The following ACYP2 variants were observed in gnomAD, a reference collection of about 807,000 sequenced individuals.
ACYP2 encodes acylphosphatase 2, also known as acylphosphatase-2.
Under a neutral mutation model 11.2 loss-of-function variants are expected in ACYP2, and 12 were observed. That is an observed-to-expected ratio of 1.08 (90% CI 0.69 to 1.74). The LOEUF is 1.74. Among genes scored for constraint, ACYP2 ranks in the 40% most tolerant of loss-of-function variants. The pLI is 0.00. For missense variants in ACYP2, 134 were observed against 101.9 expected (o/e 1.31, Z -1.35); for synonymous variants, 43 against 32.2 (o/e 1.33, Z -1.13).
At chr2:54,044,825 G>T (rs935367234) in intron 2 of ACYP2, among the ~76,000 whole-genome samples, 1 of 152,138 alleles carries the variant, frequency 6.6e-6, no homozygotes, top group Non-Finnish European at 1.5e-5. Flanking sequence ...GTGGCTGAAG[G>T]TTTGTTGTTG....
chr2:54,034,147 C>T (rs566985223), intron 2 of ACYP2, among the ~76,000 whole-genome samples: 1 of 152,278 alleles, frequency 6.6e-6, no homozygotes, highest in South Asian at 2.1e-4. Flanking sequence ...CACTTGAGGT[C>T]AGGAGTTTGA....
rs1300773936 is a variant in ACYP2, at chr2:54,006,874, C to T, written c.62+33064C>T. ...GTGTGGTGGCTCACACCTGTAATCC[C>T]ATCACTTTGGGAGACCGAGGCGGAT... On this transcript the variant is annotated intron_variant, in intron 2 of 6. Coordinates refer to ENST00000607452, the MANE Select transcript of ACYP2 (RefSeq NM_001320586.2). Among the ~76,000 whole-genome samples the T allele has an allele frequency of 2.0e-5, 3 of 152,118 alleles. No homozygotes were observed. In the East Asian group the frequency reaches 5.9e-4, roughly 30 times the overall value.
chr2:54,266,540 A>G (rs555492487), intron 6 of ACYP2, among the ~76,000 whole-genome samples: 63 of 148,270 alleles, frequency 4.2e-4, no homozygotes, highest in Non-Finnish European at 6.4e-4. Context: ...ATAGATATAG[A>G]TATAGCTAGA....
At chr2:54,277,632 C>G (rs928946277) in intron 6 of ACYP2, among the ~76,000 whole-genome samples, 9 of 151,922 alleles carry the variant, frequency 5.9e-5, no homozygotes, top group African/African-American at 1.7e-4. Context: ...GAGCCACAGT[C>G]GTGCTACTGC....
At chr2:54,084,912 T>C (rs1046696924) in intron 4 of ACYP2, 1 of 152,188 alleles carries the variant, frequency 6.6e-6, no homozygotes, top group Non-Finnish European at 1.5e-5. Flanking sequence ...ATGATAATAT[T>C]GAAATTAGGT....
chr2:54,271,011 A>G (rs1688272669), intron 6 of ACYP2, among the ~76,000 whole-genome samples: 2 of 152,224 alleles, frequency 1.3e-5, no homozygotes, highest in Non-Finnish European at 2.9e-5. Flanking sequence ...ATGGTTTGAA[A>G]CCACGTTTGC....
At chr2:54,209,732 T>TTGCATCCCACCATTTCTGGCC (rs1354601173) in intron 6 of ACYP2, among the ~76,000 whole-genome samples, 2 of 152,198 alleles carry the variant, frequency 1.3e-5, no homozygotes, top group African/African-American at 4.8e-5. Context: ...CTTTTCCTGA[T>TTGCATCCCACCATTTCTGGCC]TGCATCCCAC....
intron 1 of ACYP2, among the ~76,000 whole-genome samples, chr2:53,973,118 A>T (rs1671256435): frequency 2.0e-5 from 3 of 152,226 alleles, no homozygotes; most frequent in Admixed American, 2.0e-4. Context: ...TGGAGAAGCG[A>T]ACAATCCTAC....
chr2:54,166,570 T>C (rs1270261084), intron 6 of ACYP2, among the ~76,000 whole-genome samples: 6 of 152,192 alleles, frequency 3.9e-5, no homozygotes, highest in African/African-American at 1.2e-4. Context: ...CTCATTATCA[T>C]GTCCACATCT....
intron 6 of ACYP2, among the ~76,000 whole-genome samples, chr2:54,181,093 CAT>C (rs1191718085): frequency 6.6e-6 from 1 of 152,160 alleles, no homozygotes; most frequent in Non-Finnish European, 1.5e-5. Context: ...GTATTCAAAA[CAT>C]ATTTATCAAG....
intron 2 of ACYP2, among the ~76,000 whole-genome samples, chr2:53,997,883 TCTTC>T (rs1672648734): frequency 6.6e-6 from 1 of 152,210 alleles, no homozygotes; most frequent in Admixed American, 6.5e-5. Context: ...TGAATGACCC[TCTTC>T]CTCTTCTGTT....
chr2:54,039,306 G>C (rs568410263), intron 2 of ACYP2, among the ~76,000 whole-genome samples: 3 of 140,992 alleles, frequency 2.1e-5, no homozygotes, highest in Non-Finnish European at 4.6e-5. Context: ...TTTTTTTGGC[G>C]GGGGGGGACA....
chr2:54,185,291 T>C (rs1683930064), intron 6 of ACYP2, among the ~76,000 whole-genome samples: 1 of 152,168 alleles, frequency 6.6e-6, no homozygotes, highest in South Asian at 2.1e-4. Flanking sequence ...TGAATGAGGA[T>C]GCAATGATCC....
At chr2:54,080,386 T>A (rs903073487) in intron 4 of ACYP2, 10 of 152,256 alleles carry the variant, frequency 6.6e-5, no homozygotes, top group African/African-American at 2.2e-4. Context: ...TTCTTTGATG[T>A]CCTCTTCATG....
intron 4 of ACYP2, among the ~76,000 whole-genome samples, chr2:54,107,555 CT>C (rs898064284): frequency 4.7e-4 from 71 of 152,262 alleles, no homozygotes; most frequent in African/African-American, 1.6e-3. Flanking sequence ...GGTTTAGTTA[CT>C]GAAAAAATAA....
intron 6 of ACYP2, among the ~76,000 whole-genome samples, chr2:54,294,596 T>G (rs1689443952): frequency 6.6e-6 from 1 of 152,122 alleles, no homozygotes; most frequent in African/African-American, 2.4e-5. Flanking sequence ...AAGATTATGT[T>G]GGAAGAAAGG....
rs533120283 is a variant in ACYP2, at chr2:54,204,990, C to A, written c.404+66242C>A. ...TCATGTTTCTCATAGGCACCTTCTC[C>A]TTGAGTTTTCGTAGTTATTCTCCTT... On this transcript the variant is annotated intron_variant, in intron 6 of 6. Coordinates refer to ENST00000607452, the MANE Select transcript of ACYP2 (RefSeq NM_001320586.2). 2.6e-5 allele frequency among the ~76,000 whole-genome samples: 4 copies of A among 152,244 alleles called. No individual in the cohort carries two copies. The South Asian group carries it at 8.3e-4, about 32-fold the overall frequency.
At chr2:54,238,066 T>C (rs1459519727) in intron 6 of ACYP2, among the ~76,000 whole-genome samples, 1 of 152,202 alleles carries the variant, frequency 6.6e-6, no homozygotes, top group Non-Finnish European at 1.5e-5. Flanking sequence ...CTAAGACTCA[T>C]TCCCTTACAT....
chr2:54,285,593 C>A (rs1365474907), intron 6 of ACYP2, among the ~76,000 whole-genome samples: 6 of 152,166 alleles, frequency 3.9e-5, no homozygotes, highest in Admixed American at 3.9e-4. Flanking sequence ...GCTAGCTGTC[C>A]TCCAGTAATC....
Sources: allele counts gnomAD v4.1 joint callset (sites outside exome capture counted in the v4.1 genomes callset), GRCh38; gene constraint gnomAD v4.1.1; transcripts MANE v1.5; gene names NCBI Gene and HGNC (gene_info 2026-07-23, HGNC 2026-07-21).